The following NFIX variants were observed in gnomAD, a reference collection of about 807,000 sequenced individuals.
NFIX encodes nuclear factor I X.
In NFIX, 2 loss-of-function variants were observed where a neutral mutation model predicts 53.3. That is an observed-to-expected ratio of 0.04 (90% confidence interval 0.02 to 0.12). The LOEUF (loss-of-function observed/expected upper bound fraction) is 0.12. NFIX is among the 10% of genes least tolerant of loss of function. NFIX has a pLI of 1.00. For synonymous variants in NFIX, 244 were observed against 289.0 expected (o/e 0.84, Z 1.58); for missense variants, 310 against 674.5 (o/e 0.46, Z 5.99).
In NFIX at chr19:13,072,341, T is replaced by C. The variant is rs1384414030; in HGVS notation, c.560-706T>C. On this transcript the variant is annotated intron_variant, in intron 2 of 10. Transcript: ENST00000592199. The surrounding 1 kb of genome is among the most constrained non-coding windows in gnomAD (Gnocchi z 4.0). ...TGAGCCCTTGTCTCGGGGCTCCCTC[T>C]GAGCAGCTGTGGCACCGGGGCATGA... 3.9e-5 allele frequency among the ~76,000 whole-genome samples: 6 copies of C among 152,250 alleles called. No homozygotes were observed. Among genetic ancestry groups the C allele is most frequent in the Non-Finnish European group, 5.9e-5 (4 of 68,040 alleles).
Position 12,995,837 on chromosome 19 carries a change from T to C in NFIX, c.-1T>C. On this transcript the variant is annotated 5_prime_UTR_variant, in exon 1 of 11. Transcript: ENST00000592199. The stretch of plus-strand genomic sequence containing the variant: ...CCGCGCTCCCGCCCGGGCGCCCAGC[T>C]ATGTACTCCCCGTACTGCCTCACCC... 1.0e-6 allele frequency: 1 copy of C among 988,662 alleles called. No homozygotes were observed. The highest frequency in any genetic ancestry group is 1.2e-6 in the Non-Finnish European group (1 of 834,542). The allele number at this position is 988,662 out of a possible 1,614,324, so 61.2% of individuals were successfully genotyped here. A position where few individuals can be genotyped will look rare whatever the true frequency, so the allele number is the denominator to read the frequency against.
At chr19:13,085,431 C>T (rs527870179) in intron 8 of NFIX, among the ~76,000 whole-genome samples, 4 of 152,172 alleles carry the variant, frequency 2.6e-5, no homozygotes, top group African/African-American at 4.8e-5. Flanking sequence ...AGCCTGAGCT[C>T]GGGACACCTG....
At chr19:13,035,156 C>T (rs999255141) in intron 2 of NFIX, among the ~76,000 whole-genome samples, 2 of 152,218 alleles carry the variant, frequency 1.3e-5, no homozygotes, top group African/African-American at 2.4e-5. Flanking sequence ...CAGAATGCCA[C>T]CTGTGTTCAC....
rs561123020 is a variant in NFIX, at chr19:13,061,083, C to T, written c.560-11964C>T. Among the ~76,000 whole-genome samples the T allele has an allele frequency of 1.7e-4, 9 of 53,652 alleles. No individual in the cohort carries two copies. In the East Asian group the frequency reaches 5.6e-3, roughly 33 times the overall value. 35.2% of individuals were successfully genotyped at this position (53,652 alleles called of 152,430 possible). ...ACTCCGGGAGTCACGTGGCCTTAGA[C>T]CCCCCCCTCCCCCCCAAATCGAGGG... On this transcript the variant is annotated intron_variant, in intron 2 of 10. Transcript: ENST00000592199.
rs775533219 is a variant in NFIX at position 13,066,650 on chromosome 19, C to T, written c.560-6397C>T. On this transcript the variant is annotated intron_variant, in intron 2 of 10. Coordinates refer to ENST00000592199, the MANE Select transcript of NFIX (RefSeq NM_001365902.3). This position sits in a 1 kb window ranked among gnomAD's most constrained non-coding sequence, Gnocchi z 4.2. ...GCGGGCTCTGCTTCTTGTTCAGGCT[C>T]CGGCTTTAAACCATGTGAGACTCTA... Among the ~76,000 whole-genome samples the T allele has an allele frequency of 1.3e-5, 2 of 152,132 alleles. No homozygotes were observed. The highest frequency in any genetic ancestry group is 2.4e-5 in the African/African-American group (1 of 41,408).
intron 6 of NFIX, 97 bp downstream of exon 6, chr19:13,075,768 C>CCGACAGGGGGACAA: frequency 2.1e-6 from 3 of 1,420,912 alleles, no homozygotes; most frequent in Non-Finnish European, 1.9e-6. Flanking sequence ...CAGTTGTCCC[C>CCGACAGGGGGACAA]CTGTCGGGGG....
rs1040882668 is a variant in NFIX, at chr19:13,060,129, G to C, written c.560-12918G>C. Among the ~76,000 whole-genome samples, 2 of 152,194 alleles carry C rather than the reference G, an allele frequency of 1.3e-5. No homozygotes were observed. The highest frequency in any genetic ancestry group is 4.8e-5 in the African/African-American group (2 of 41,438). On this transcript the variant is annotated intron_variant, in intron 2 of 10. Coordinates refer to ENST00000592199, the MANE Select transcript of NFIX (RefSeq NM_001365902.3). This position sits in a 1 kb window ranked among gnomAD's most constrained non-coding sequence, Gnocchi z 4.3. ...GCCTCCATTTCTTCCCTCCACTTCA[G>C]CCTCTGCTTTGGCAGGCTCTGGGGT... is the stretch of plus-strand genomic sequence containing the variant.
At position 13,013,717 on chromosome 19, in the gene NFIX, G is replaced by A. The variant is rs1456615631; in HGVS notation, c.28-11304G>A. On this transcript the variant is annotated intron_variant, in intron 1 of 10. Transcript: ENST00000592199. The surrounding 1 kb of genome is among the most constrained non-coding windows in gnomAD (Gnocchi z 5.9). ...TTTTTATAAAGCATGTGAGACAGAGGCTGAATGGTAGAAACAGGCTGTTAA... is the reference window on the plus strand; with the variant it reads ...TTTTTATAAAGCATGTGAGACAGAGACTGAATGGTAGAAACAGGCTGTTAA... 3.3e-5 allele frequency: 5 copies of A among 151,928 alleles called. No individual in the cohort carries two copies. Among genetic ancestry groups the A allele is most frequent in the African/African-American group, 1.2e-4 (5 of 41,318 alleles). The allele number at this position is 151,928 out of a possible 1,614,324, so 9.4% of individuals were successfully genotyped here.
chr19:13,054,105 C>G (rs777210036), intron 2 of NFIX, among the ~76,000 whole-genome samples: 1 of 152,194 alleles, frequency 6.6e-6, no homozygotes, highest in Non-Finnish European at 1.5e-5. Flanking sequence ...GAGCAGTCCC[C>G]TCTCCTGTCC....
chr19:13,003,727 C>G (rs555865957), intron 1 of NFIX, among the ~76,000 whole-genome samples: 1 of 152,070 alleles, frequency 6.6e-6, no homozygotes, highest in African/African-American at 2.4e-5. Flanking sequence ...CAGCCCTGAC[C>G]TCCCAAGCTC....
chr19:13,055,206 G>T (rs1383939131), intron 2 of NFIX, among the ~76,000 whole-genome samples: 1 of 151,728 alleles, frequency 6.6e-6, no homozygotes, highest in Non-Finnish European at 1.5e-5. Flanking sequence ...CCATCCAAGC[G>T]CCAGGCACAA....
At position 13,031,783 on chromosome 19, in the gene NFIX, C is replaced by T. The variant is rs112179222; in HGVS notation, c.559+6231C>T. On this transcript the variant is annotated intron_variant, in intron 2 of 10. Transcript: ENST00000592199. Reference sequence around the variant, plus strand: ...CCTTCTTGGCCACCCTCTAGTGTTACAGAGACCTGGGATGCCAGAGGAAGA... The same window carrying T: ...CCTTCTTGGCCACCCTCTAGTGTTATAGAGACCTGGGATGCCAGAGGAAGA... 3.0e-3 allele frequency among the ~76,000 whole-genome samples: 457 copies of T among 152,260 alleles called. 2 individuals are homozygous for T. The highest frequency in any genetic ancestry group is 5.5e-3 in the Non-Finnish European group (375 of 68,016).
At chr19:13,048,230 A>G (rs1008230474) in intron 2 of NFIX, among the ~76,000 whole-genome samples, 2 of 152,126 alleles carry the variant, frequency 1.3e-5, no homozygotes, top group Non-Finnish European at 2.9e-5. Context: ...TGTGAACTCT[A>G]AACTCTTCTT....
At position 13,009,878 on chromosome 19, in the gene NFIX, G is replaced by C. The variant is rs2012233669; in HGVS notation, c.27+14014G>C. Reference sequence around the variant, plus strand: ...CAGCTTGTGGTCCTTTGGGGGATTTGGTGGTAGAACGGGGCCGGGGGTCTT... The same window carrying C: ...CAGCTTGTGGTCCTTTGGGGGATTTCGTGGTAGAACGGGGCCGGGGGTCTT... On this transcript the variant is annotated intron_variant, in intron 1 of 10. Transcript: ENST00000592199. The surrounding 1 kb of genome is among the most constrained non-coding windows in gnomAD (Gnocchi z 4.7). 6.6e-6 allele frequency among the ~76,000 whole-genome samples: 1 copy of C among 152,186 alleles called. No homozygotes were observed. The highest frequency in any genetic ancestry group is 2.1e-4 in the South Asian group (1 of 4,836).
chr19:13,075,680 G>A lies in NFIX; in HGVS notation c.955+9G>A. ...CAACGATGTGGATGCAGGTATGGGT[G>A]CGGGGGATCCTGACCCAGAGCAAGG... On this transcript the variant is annotated intron_variant, in intron 6 of 10. Transcript: ENST00000592199. 2 of 1,612,290 alleles carry A rather than the reference G, an allele frequency of 1.2e-6. No homozygotes were observed. The highest frequency in any genetic ancestry group is 1.7e-6 in the Non-Finnish European group (2 of 1,178,916).
intron 2 of NFIX, among the ~76,000 whole-genome samples, chr19:13,048,809 A>G (rs1013203513): frequency 2.0e-5 from 3 of 152,252 alleles, no homozygotes; most frequent in African/African-American, 7.2e-5. Flanking sequence ...ATGGTGGCTC[A>G]TGCCTATAAT....
At chr19:12,997,323 C>T (rs995825900) in intron 1 of NFIX, among the ~76,000 whole-genome samples, 5 of 152,202 alleles carry the variant, frequency 3.3e-5, no homozygotes, top group African/African-American at 9.7e-5. Context: ...CCCTGTGGGC[C>T]GGCCATGGGC....
intron 2 of NFIX, among the ~76,000 whole-genome samples, chr19:13,038,741 G>T (rs2014392575): frequency 6.6e-6 from 1 of 152,214 alleles, no homozygotes; most frequent in South Asian, 2.1e-4. Flanking sequence ...GTGGCCAACT[G>T]GGTCATCGTT....
rs962352684 is a variant in NFIX at position 13,052,883 on chromosome 19, CTG to C, written c.560-20160_560-20159del. On this transcript the variant is annotated intron_variant, in intron 2 of 10. Coordinates refer to ENST00000592199, the MANE Select transcript of NFIX (RefSeq NM_001365902.3). The surrounding 1 kb of genome is among the most constrained non-coding windows in gnomAD (Gnocchi z 5.2). ...CACTGCAGCCCAAGTCCCCAGGAGTCTGTGTCTTCCCATGTTCCCTTCGTCCT... is the reference window on the plus strand; with the variant it reads ...CACTGCAGCCCAAGTCCCCAGGAGTCTGTCTTCCCATGTTCCCTTCGTCCT... 6.6e-6 allele frequency among the ~76,000 whole-genome samples: 1 copy of C among 152,212 alleles called. No homozygotes were observed. Among genetic ancestry groups the C allele is most frequent in the African/African-American group, 2.4e-5 (1 of 41,454 alleles).
Sources: allele counts gnomAD v4.1 joint callset (sites outside exome capture counted in the v4.1 genomes callset), GRCh38; gene constraint gnomAD v4.1.1; non-coding constraint Gnocchi (gnomAD v3.1); transcripts MANE v1.5; gene names NCBI Gene and HGNC (gene_info 2026-07-23, HGNC 2026-07-21).